GRIP1: variants seen among roughly 807,000 people sequenced by gnomAD.
GRIP1 encodes the protein glutamate receptor interacting protein 1, also known as glutamate receptor-interacting protein 1.
In GRIP1, 45 loss-of-function variants were observed where a neutral mutation model predicts 129.9. The observed-to-expected ratio is 0.35, with a 90% CI of 0.27 to 0.44. The LOEUF (loss-of-function observed/expected upper bound fraction) is 0.44. Ranked by LOEUF, GRIP1 falls within the 20% of genes least tolerant of loss-of-function variation. The pLI, the probability that GRIP1 is intolerant of heterozygous loss-of-function variation, is 1.00. For synonymous variants in GRIP1, 530 were observed against 520.8 expected (o/e 1.02, Z -0.24); for missense variants, 1,196 against 1,396.8 (o/e 0.86, Z 2.29).
chr12:66,691,892 G>A (rs1336945006), intron 1 of GRIP1, among the ~76,000 whole-genome samples: 2 of 152,154 alleles, frequency 1.3e-5, no homozygotes, highest in Non-Finnish European at 2.9e-5. Flanking sequence ...AAGACCCACT[G>A]CTCACAGGAA....
chr12:66,369,146 A>T (rs529383252), intron 23 of GRIP1, among the ~76,000 whole-genome samples: 21 of 152,304 alleles, frequency 1.4e-4, no homozygotes, highest in African/African-American at 5.1e-4. Context: ...ATGTATTGTC[A>T]CCATTTAGAG....
At chr12:66,860,836 C>CCACA (rs1205853329) in intron 1 of GRIP1, among the ~76,000 whole-genome samples, 26 of 152,164 alleles carry the variant, frequency 1.7e-4, no homozygotes, top group African/African-American at 6.0e-4. Context: ...GCTTCCAGAA[C>CCACA]CACACTTTGA....
At chr12:66,545,891 C>T (rs983568186) in intron 2 of GRIP1, among the ~76,000 whole-genome samples, 3 of 151,982 alleles carry the variant, frequency 2.0e-5, no homozygotes, top group African/African-American at 7.2e-5. Context: ...AGTAACAAAA[C>T]ATACAGTACT....
At chr12:66,367,679 C>G (rs575577439) in intron 23 of GRIP1, among the ~76,000 whole-genome samples, 1 of 152,142 alleles carries the variant, frequency 6.6e-6, no homozygotes, top group African/African-American at 2.4e-5. Context: ...GTATACTGTG[C>G]AGTCAATTTT....
intron 1 of GRIP1, among the ~76,000 whole-genome samples, chr12:66,766,630 G>C (rs932217314): frequency 6.6e-6 from 1 of 152,196 alleles, no homozygotes; most frequent in African/African-American, 2.4e-5. Flanking sequence ...ACTCGGAAGA[G>C]CGCTGCATGG....
chr12:66,480,315 C>T (rs2059764549), intron 7 of GRIP1, among the ~76,000 whole-genome samples: 1 of 152,066 alleles, frequency 6.6e-6, no homozygotes, highest in Admixed American at 6.6e-5. Context: ...TTCACAACTG[C>T]TACAAAGTGA....
chr12:66,485,015 T>G (rs906933107), intron 7 of GRIP1, among the ~76,000 whole-genome samples: 1 of 152,198 alleles, frequency 6.6e-6, no homozygotes, highest in Non-Finnish European at 1.5e-5. Context: ...TTGGTGAGAA[T>G]GGGTATGCAT....
chr12:67,006,574 G>A (rs1044734661), intron 1 of GRIP1, among the ~76,000 whole-genome samples: 8 of 152,056 alleles, frequency 5.3e-5, no homozygotes, highest in Non-Finnish European at 2.9e-5. Flanking sequence ...GCAACAAAGC[G>A]AGATCTTGTC....
chr12:66,889,744 A>G (rs1046532781), intron 1 of GRIP1, among the ~76,000 whole-genome samples: 1 of 152,196 alleles, frequency 6.6e-6, no homozygotes, highest in Non-Finnish European at 1.5e-5. Flanking sequence ...AAATGTCATC[A>G]TGTGTTAACT....
In GRIP1 at chr12:66,795,025, C is replaced by A. The variant is rs79518704; in HGVS notation, c.-420+9028G>T. ...CTCACCCTAAATTTTAACAGCTGTTCCCCTAAAAGTGATCACGATTATAAG... is the reference window on the plus strand; with the variant it reads ...CTCACCCTAAATTTTAACAGCTGTTACCCTAAAAGTGATCACGATTATAAG... On this transcript the variant is annotated intron_variant, in intron 1 of 4. Coordinates refer to the GRIP1 transcript ENST00000538373. Among the ~76,000 whole-genome samples the A allele has an allele frequency of 5.3e-3, 810 of 152,244 alleles. 7 individuals carry two copies. The highest frequency in any genetic ancestry group is 0.051 in the East Asian group (262 of 5,186).
intron 1 of GRIP1, among the ~76,000 whole-genome samples, chr12:66,983,286 AAATT>A (rs1257920837): frequency 6.6e-6 from 1 of 152,190 alleles, no homozygotes; most frequent in Non-Finnish European, 1.5e-5. Context: ...TTTTCTCTAT[AAATT>A]AATAAATTAA....
intron 1 of GRIP1, chr12:67,065,166 C>CA (rs898194280): frequency 3.3e-5 from 5 of 150,730 alleles, no homozygotes; most frequent in African/African-American, 4.9e-5. Flanking sequence ...CAAATATCCA[C>CA]AAAAAATAAA....
chr12:67,048,650 G>A (rs1199842801), intron 1 of GRIP1, among the ~76,000 whole-genome samples: 1 of 152,096 alleles, frequency 6.6e-6, no homozygotes, highest in Non-Finnish European at 1.5e-5. Flanking sequence ...ATCCTGAGTT[G>A]TAACTCCCAT....
At position 66,722,570 on chromosome 12, in the gene GRIP1, G is replaced by A. The variant is rs11176399; in HGVS notation, c.-420+81483C>T. Among the ~76,000 whole-genome samples, 846 of 152,246 alleles carry A rather than the reference G, an allele frequency of 5.6e-3. 19 individuals are homozygous for A. The East Asian group carries it at 0.067, about 12-fold the overall frequency. On this transcript the variant is annotated intron_variant, in intron 1 of 4. Transcript: ENST00000538373. ...TTGCCAAAATGTGACAGAGAGACACGAAGTGAACACATGCTGTTGGAAAAA... is the reference window on the plus strand; with the variant it reads ...TTGCCAAAATGTGACAGAGAGACACAAAGTGAACACATGCTGTTGGAAAAA...
intron 1 of GRIP1, among the ~76,000 whole-genome samples, chr12:66,994,317 G>A (rs1167168429): frequency 6.6e-6 from 1 of 151,494 alleles, no homozygotes; most frequent in Non-Finnish European, 1.5e-5. Context: ...ATTTATCATA[G>A]AAACGCAAAG....
chr12:66,965,813 C>T (rs1323520834), intron 1 of GRIP1, among the ~76,000 whole-genome samples: 2 of 152,144 alleles, frequency 1.3e-5, no homozygotes, highest in Admixed American at 6.6e-5. Context: ...CCTCTTAATG[C>T]ATGAATGAAC....
chr12:66,923,063 A>AT (rs1295613462), intron 1 of GRIP1, among the ~76,000 whole-genome samples: 1 of 152,200 alleles, frequency 6.6e-6, no homozygotes, highest in Non-Finnish European at 1.5e-5. Flanking sequence ...CTACCTCAAC[A>AT]TTTATTTTCT....
chr12:66,528,134 G>GTTTTTT (rs59443918), intron 5 of GRIP1, among the ~76,000 whole-genome samples: 4 of 99,240 alleles, frequency 4.0e-5, no homozygotes, highest in Admixed American at 1.1e-4. Context: ...GAATTAGTAG[G>GTTTTTT]TTTTTTTTTT....
chr12:66,723,992 A>G (rs1565988693), intron 1 of GRIP1, among the ~76,000 whole-genome samples: 2 of 152,188 alleles, frequency 1.3e-5, no homozygotes, highest in Non-Finnish European at 2.9e-5. Flanking sequence ...CAGGTTAGGA[A>G]AGCATCATGC....
Sources: allele counts gnomAD v4.1 joint callset (sites outside exome capture counted in the v4.1 genomes callset), GRCh38; gene constraint gnomAD v4.1.1; transcripts MANE v1.5; gene names NCBI Gene and HGNC (gene_info 2026-07-23, HGNC 2026-07-21).